Variants in LGI3 observed in about 807,000 individuals in gnomAD.
LGI3 encodes the protein leucine rich repeat LGI family member 3.
A neutral mutation model predicts 55.4 loss-of-function variants in LGI3; 47 were observed. That is an observed-to-expected ratio of 0.85 (90% confidence interval 0.67 to 1.08). The LOEUF (loss-of-function observed/expected upper bound fraction) is 1.08, where lower values mean the gene tolerates loss of function less well. LGI3 is among the 50% of genes least tolerant of loss of function. The probability of loss-of-function intolerance (pLI) is 0.00; values close to 1 mark genes in which losing one functional copy is unlikely to be tolerated. For missense variants in LGI3, 664 were observed against 726.3 expected (o/e 0.91, Z 0.99); for synonymous variants, 326 against 315.0 (o/e 1.04, Z -0.37).
rs1324804326 is a variant in LGI3, at chr8:22,156,450, CTT to C, written c.91_92del (p.Lys31GlufsTer89). 6.5e-7 allele frequency: 1 copy of C among 1,550,008 alleles called. No homozygotes were observed. Among genetic ancestry groups the C allele is most frequent in the Non-Finnish European group, 8.7e-7 (1 of 1,151,856 alleles). On this transcript the variant is annotated frameshift_variant, in exon 1 of 8. Coordinates refer to ENST00000306317, the MANE Select transcript of LGI3 (RefSeq NM_139278.4). LOFTEE classifies it high-confidence loss of function. ...GGCAGGGGGGCGTCTTGGGGGGCCT[CTT>C]AGCGCTGACTTGCAGCATGAGGCAG... Reference protein sequence around the residue: ...GFCLMLQVSAKRPPKTPPCPP... With the variant: ...GFCLMLQVSAXRPPKTPPCPP...
At chr8:22,156,034 C>G (rs1293460451) in intron 1 of LGI3, among the ~76,000 whole-genome samples, 1 of 152,234 alleles carries the variant, frequency 6.6e-6, no homozygotes, top group Non-Finnish European at 1.5e-5. Flanking sequence ...GGCCCACATG[C>G]TCGTGTAAGC....
Position 22,148,912 on chromosome 8 carries a change from G to A in LGI3, c.895C>T (p.Leu299=). The A allele has an allele frequency of 6.2e-7, 1 of 1,614,136 alleles. No individual in the cohort carries two copies. Among genetic ancestry groups the A allele is most frequent in the Non-Finnish European group, 8.5e-7 (1 of 1,180,020 alleles). The change falls in exon 8 of 8, where the codon CTG becomes TTG. Residue 299 remains leucine, a synonymous_variant. Transcript: ENST00000306317. The surrounding 1 kb of genome is among the most constrained non-coding windows in gnomAD (Gnocchi z 7.0). Reference sequence around the variant, plus strand: ...TGGTAAATGTAAGAGCCGCCAAACAGCTGGGCCACGACCACGTACAGCTGG... The same window carrying A: ...TGGTAAATGTAAGAGCCGCCAAACAACTGGGCCACGACCACGTACAGCTGG... ...DSQLYVVVAQ[L]FGGSYIYHWD...
Position 22,155,205 on chromosome 8 carries a change from G to T in LGI3, c.278+187C>A, listed in dbSNP as rs945444691. On this transcript the variant is annotated intron_variant, in intron 2 of 7. Transcript: ENST00000306317. ...TGCCATCCCTAGCTGTCCTCCTGCT[G>T]CCCCGACTCCCCTGACTCAAGGCTG... is the stretch of plus-strand genomic sequence containing the variant. 6.4e-6 allele frequency: 4 copies of T among 621,410 alleles called. No homozygotes were observed. In the African/African-American group the frequency reaches 7.4e-5, roughly 11 times the overall value. The allele number at this position is 621,410 out of a possible 1,614,324, so 38.5% of individuals were successfully genotyped here. A position where few individuals can be genotyped will look rare whatever the true frequency, so the allele number is the denominator to read the frequency against.
intron 3 of LGI3, 39 bp downstream of exon 3, chr8:22,154,521 C>G (rs372078707): frequency 4.4e-5 from 69 of 1,585,640 alleles, no homozygotes; most frequent in Middle Eastern, 1.7e-4. Flanking sequence ...GGGTCCCCCT[C>G]CCTTCTGCTT....
Position 22,148,382 on chromosome 8 carries a change from C to T in LGI3, c.1425G>A (p.Val475=). The change falls in exon 8 of 8, where the codon GTG becomes GTA. Residue 475 remains valine, a synonymous_variant. Coordinates refer to ENST00000306317, the MANE Select transcript of LGI3 (RefSeq NM_139278.4). This position sits in a 1 kb window ranked among gnomAD's most constrained non-coding sequence, Gnocchi z 7.0. Reference sequence around the variant, plus strand: ...CCAGTGCCAGGTAGCGGCGGCCACCCACAAGGAAGGGCTGCAGGGCCAGCG... The same window carrying T: ...CCAGTGCCAGGTAGCGGCGGCCACCTACAAGGAAGGGCTGCAGGGCCAGCG... ...RGSLALQPFL[V]GGRRYLALGS... is the part of the protein sequence containing the mutation. 6.2e-7 allele frequency: 1 copy of T among 1,613,434 alleles called. No homozygotes were observed. The highest frequency in any genetic ancestry group is 8.5e-7 in the Non-Finnish European group (1 of 1,179,878).
At chr8:22,149,054 G>C in intron 7 of LGI3, 77 bp from the exon 8 acceptor site, 1 of 1,054,930 alleles carries the variant, frequency 9.5e-7, no homozygotes, top group Non-Finnish European at 1.4e-6. Flanking sequence ...GAGAAGGCCA[G>C]TCCCTTCCAA....
intron 7 of LGI3, 77 bp from the exon 8 acceptor site, chr8:22,149,054 G>T: frequency 9.5e-7 from 1 of 1,054,928 alleles, no homozygotes; most frequent in Non-Finnish European, 1.4e-6. Flanking sequence ...GAGAAGGCCA[G>T]TCCCTTCCAA....
rs1260395372 is a variant in LGI3 at position 22,156,290 on chromosome 8, G to A, written c.206+47C>T. The stretch of plus-strand genomic sequence containing the variant: ...CCTGTCCTCTCCCAGAGCTGTCCTC[G>A]GCCTCCTCTCCCTCCCCAACCCCCA... On this transcript the variant is annotated intron_variant, in intron 1 of 7. Coordinates refer to ENST00000306317, the MANE Select transcript of LGI3 (RefSeq NM_139278.4). The A allele has an allele frequency of 3.1e-6, 5 of 1,596,416 alleles. No individual in the cohort carries two copies. In the African/African-American group the frequency reaches 5.4e-5, roughly 17 times the overall value.
chr8:22,155,972 C>T (rs1827489256), intron 1 of LGI3, among the ~76,000 whole-genome samples: 2 of 152,230 alleles, frequency 1.3e-5, no homozygotes, highest in Admixed American at 6.5e-5. Flanking sequence ...AGCTCATTCT[C>T]ATCCTGCTCT....
intron 2 of LGI3, 196 bp from the exon 3 acceptor site, chr8:22,154,827 G>A (rs998798275): frequency 6.9e-6 from 4 of 581,876 alleles, no homozygotes; most frequent in Admixed American, 5.9e-5. Context: ...AGCTCCCAGG[G>A]TCCCTGTTGG....
At chr8:22,151,440 C>T (rs370674008) in intron 7 of LGI3, 49 bp downstream of exon 7, 16 of 1,574,748 alleles carry the variant, frequency 1.0e-5, no homozygotes, top group Non-Finnish European at 1.3e-5. Flanking sequence ...GGAGCCCACT[C>T]CCCCCTCCCC....
chr8:22,154,684 G>A, intron 2 of LGI3, 53 bp from the exon 3 acceptor site: 2 of 1,357,574 alleles, frequency 1.5e-6, no homozygotes, highest in Non-Finnish European at 1.1e-6. Context: ...TGCTGCCCCA[G>A]CCCCCAGCCC....
chr8:22,154,000 G>A lies in LGI3; in HGVS notation c.462C>T (p.Asp154=), dbSNP rs752250065. 16 of 1,614,200 alleles carry A rather than the reference G, an allele frequency of 9.9e-6. No homozygotes were observed. Among genetic ancestry groups the A allele is most frequent in the Non-Finnish European group, 1.4e-5 (16 of 1,180,034 alleles). The stretch of plus-strand genomic sequence containing the variant: ...TCAGGATGTCCAGGGGCCGGAAGAT[G>A]TCTCTGGGCAGTGTCTGCAGGTTAT... ...ANNNLQTLPR[D]IFRPLDILND... is the part of the protein sequence containing the mutation. The change falls in exon 5 of 8, where the codon GAC becomes GAT. Residue 154 remains aspartate, a synonymous_variant. Coordinates refer to ENST00000306317, the MANE Select transcript of LGI3 (RefSeq NM_139278.4).
chr8:22,148,206 C>G lies in LGI3; in HGVS notation c.1601G>C (p.Gly534Ala). Residue 534 changes from glycine (G) to alanine (A), a missense_variant, in exon 8 of 8, where the codon GGA (glycine) becomes GCA (alanine). Transcript: ENST00000306317. The surrounding 1 kb of genome is among the most constrained non-coding windows in gnomAD (Gnocchi z 7.0). Reference protein sequence around the residue: ...AQLLLAPSFKGQTLVYRHIVV... With the variant: ...AQLLLAPSFKAQTLVYRHIVV... ...AATGTGTCTATACACCAGCGTCTGTCCCTTGAAGCTGGGGGCCAGGAGTAG... is the reference window on the plus strand; with the variant it reads ...AATGTGTCTATACACCAGCGTCTGTGCCTTGAAGCTGGGGGCCAGGAGTAG... The G allele has an allele frequency of 6.2e-7, 1 of 1,613,506 alleles. No homozygotes were observed. The highest frequency in any genetic ancestry group is 8.5e-7 in the Non-Finnish European group (1 of 1,179,766).
chr8:22,156,421 G>C lies in LGI3; in HGVS notation c.122C>G (p.Pro41Arg). ...KRPPKTPPCPPSCSCTRDTAF... is the reference protein window; with the variant it reads ...KRPPKTPPCPRSCSCTRDTAF... ...GGTGTCCCTGGTGCAAGAGCAGCTG[G>C]GCGGGCAGGGGGGCGTCTTGGGGGG... Residue 41 changes from proline (P) to arginine (R), a missense_variant, in exon 1 of 8, where the codon CCC becomes CGC. Coordinates refer to ENST00000306317, the MANE Select transcript of LGI3 (RefSeq NM_139278.4). 6.3e-7 allele frequency: 1 copy of C among 1,588,986 alleles called. No homozygotes were observed. Among genetic ancestry groups the C allele is most frequent in the Non-Finnish European group, 8.5e-7 (1 of 1,169,784 alleles).
chr8:22,148,594 T>C lies in LGI3; in HGVS notation c.1213A>G (p.Ser405Gly). Residue 405 changes from serine to glycine, a missense_variant, in exon 8 of 8, where the codon AGT becomes GGT. Physicochemically the swap from Ser to Gly is moderately conservative, Grantham distance 56. Coordinates refer to ENST00000306317, the MANE Select transcript of LGI3 (RefSeq NM_139278.4). This position sits in a 1 kb window ranked among gnomAD's most constrained non-coding sequence, Gnocchi z 7.0. ...GCCACAAACTGCTTCTGGGTGCGAC[T>C]CCACTGATAGATGACGGGTGCCTGG... The part of the protein sequence containing the change: ...SSQAPVIYQW[S>G]RTQKQFVAQG... 6.2e-7 allele frequency: 1 copy of C among 1,613,884 alleles called. No homozygotes were observed. Among genetic ancestry groups the C allele is most frequent in the South Asian group, 1.1e-5 (1 of 91,066 alleles).
At chr8:22,153,228 G>A (rs1586409042) in intron 5 of LGI3, among the ~76,000 whole-genome samples, 1 of 151,236 alleles carries the variant, frequency 6.6e-6, no homozygotes, top group East Asian at 2.0e-4. Context: ...AGGATTACAG[G>A]CGCCCGCCAC....
intron 5 of LGI3, among the ~76,000 whole-genome samples, chr8:22,153,017 T>G (rs1827399883): frequency 6.6e-6 from 1 of 150,996 alleles, no homozygotes; most frequent in Non-Finnish European, 1.5e-5. Context: ...ACCACTGCAC[T>G]TCAGCCTGGG....
intron 5 of LGI3, 101 bp from the exon 6 acceptor site, chr8:22,152,101 G>A (rs1827387445): frequency 1.1e-6 from 1 of 949,598 alleles, no homozygotes; most frequent in East Asian, 2.6e-5. Flanking sequence ...GCTGGTCAAG[G>A]CTGCTGCAAG....
Sources: allele counts gnomAD v4.1 joint callset (sites outside exome capture counted in the v4.1 genomes callset), GRCh38; gene constraint gnomAD v4.1.1; non-coding constraint Gnocchi (gnomAD v3.1); transcripts MANE v1.5; gene names NCBI Gene and HGNC (gene_info 2026-07-23, HGNC 2026-07-21).